Variants in MMP10 observed in about 807,000 individuals in gnomAD.
The protein encoded by MMP10 is matrix metallopeptidase 10, also known as stromelysin-2.
Under a neutral mutation model 49.1 loss-of-function variants are expected in MMP10, and 50 were observed. The ratio of observed to expected loss-of-function variants is 1.02; its 90% CI spans 0.81 to 1.29. The LOEUF is 1.29. Ranked by LOEUF, MMP10 falls within the 50% of genes most tolerant of loss-of-function variation. The pLI is 0.00. For missense variants in MMP10, 613 were observed against 563.8 expected (o/e 1.09, Z -0.88); for synonymous variants, 229 against 201.6 (o/e 1.14, Z -1.15).
At chr11:102,778,199 C>T (rs888211594) in intron 4 of MMP10, among the ~76,000 whole-genome samples, 5 of 151,978 alleles carry the variant, frequency 3.3e-5, no homozygotes, top group South Asian at 2.1e-4. Flanking sequence ...CTGGCATTTT[C>T]TCCTGATCTC....
At position 102,770,835 on chromosome 11, in the gene MMP10, C is replaced by A. The variant is rs755713885; in HGVS notation, c.1389G>T (p.Met463Ile). Residue 463 changes from methionine to isoleucine, a missense_variant, in exon 10 of 10, where the codon ATG (methionine) becomes ATT (isoleucine). Met to Ile is a conservative substitution (Grantham distance 10). Transcript: ENST00000279441. ...TGTTACTCTTTAATATGTGTGTCAC[C>A]ATCCTGGCATTGGGGTCAAACTCAA... ...SQFEFDPNAR[M>I]VTHILKSNSW... 3 of 1,612,872 alleles carry A rather than the reference C, an allele frequency of 1.9e-6. No individual in the cohort carries two copies. Among genetic ancestry groups the A allele is most frequent in the Admixed American group, 1.7e-5 (1 of 59,876 alleles).
At position 102,779,626 on chromosome 11, in the gene MMP10, T is replaced by C. The variant is rs1353090563; in HGVS notation, c.225A>G (p.Thr75=). ...GMQKFLGLEV[T]GKLDTDTLEV... ...CCAGAGTGTCAGTGTCTAGCTTCCC[T>C]GTCACCTCCAACCCAAGGAACTTCT... The change falls in exon 2 of 10, where the codon ACA becomes ACG. Residue 75 remains threonine (T), a synonymous_variant. Transcript: ENST00000279441. 3.1e-6 allele frequency: 5 copies of C among 1,613,986 alleles called. No individual in the cohort carries two copies. The East Asian group carries it at 1.1e-4, about 36-fold the overall frequency.
intron 1 of MMP10, among the ~76,000 whole-genome samples, chr11:102,780,231 A>G (rs766330854): frequency 6.6e-5 from 10 of 152,310 alleles, no homozygotes; most frequent in South Asian, 4.1e-4. Context: ...TATTCTCCAT[A>G]TGTTCTTTTC....
At chr11:102,773,043 G>C in intron 7 of MMP10, 37 bp from the exon 8 acceptor site, 1 of 1,555,018 alleles carries the variant, frequency 6.4e-7, no homozygotes, top group Admixed American at 2.1e-5. Flanking sequence ...TTTACTTGAA[G>C]CCATTGATTT....
Position 102,778,603 on chromosome 11 carries a change from C to T in MMP10, c.622+21G>A, listed in dbSNP as rs188262743. On this transcript the variant is annotated intron_variant, in intron 4 of 9. Transcript: ENST00000279441. Reference sequence around the variant, plus strand: ...GATTGGACATTATTCCTGAAATGTTCCCGAGAGGTTTACGACCCACCTGAT... The same window carrying T: ...GATTGGACATTATTCCTGAAATGTTTCCGAGAGGTTTACGACCCACCTGAT... 3,792 of 1,612,178 alleles carry T rather than the reference C, an allele frequency of 2.4e-3. 3 individuals are homozygous for T. Among genetic ancestry groups the T allele is most frequent in the Non-Finnish European group, 3.0e-3 (3,527 of 1,179,342 alleles).
intron 6 of MMP10, 49 bp from the exon 7 acceptor site, chr11:102,775,370 G>GA (rs17860981): frequency 5.6e-4 from 813 of 1,461,396 alleles, no homozygotes; most frequent in East Asian, 2.6e-3. Flanking sequence ...TTAGATATGT[G>GA]AAAAAAAAAT....
chr11:102,773,988 T>G (rs1861998663), intron 7 of MMP10, among the ~76,000 whole-genome samples: 2 of 152,190 alleles, frequency 1.3e-5, no homozygotes, highest in South Asian at 4.1e-4. Flanking sequence ...TACGTTAGAG[T>G]TATGTAATCC....
chr11:102,773,230 A>G (rs561046267), intron 7 of MMP10, among the ~76,000 whole-genome samples: 47 of 152,166 alleles, frequency 3.1e-4, no homozygotes, highest in African/African-American at 1.1e-3. Flanking sequence ...TGTCTTATAT[A>G]TTTGTATCTA....
At position 102,779,748 on chromosome 11, in the gene MMP10, A is replaced by C. The variant is rs1857800029; in HGVS notation, c.106-3T>G. 4 of 1,598,110 alleles carry C rather than the reference A, an allele frequency of 2.5e-6. No individual in the cohort carries two copies. The highest frequency in any genetic ancestry group is 1.7e-5 in the Admixed American group (1 of 58,686). ...TTGTAGTACTTTTCTAGGTATTGCT[A>C]ATGGAAAATAGAATTTTTAGGGCAT... On this transcript the variant is annotated splice_polypyrimidine_tract_variant and splice_region_variant and intron_variant, in intron 1 of 9. Coordinates refer to ENST00000279441, the MANE Select transcript of MMP10 (RefSeq NM_002425.3).
In MMP10 at chr11:102,778,638, G is replaced by C. The variant is rs150476362; in HGVS notation, c.608C>G (p.Thr203Arg). The C allele has an allele frequency of 1.9e-6, 3 of 1,613,880 alleles. No homozygotes were observed. The highest frequency in any genetic ancestry group is 2.2e-5 in the South Asian group (2 of 91,068). Residue 203 changes from threonine (T) to arginine (R), a missense_variant, in exon 4 of 10, where the codon ACA becomes AGA. By Grantham distance (71) the Thr-to-Arg change is moderately conservative. Coordinates refer to ENST00000279441, the MANE Select transcript of MMP10 (RefSeq NM_002425.3). The stretch of plus-strand genomic sequence containing the variant: ...TTACGACCCACCTGATGCATCTTCT[G>C]TCCATTTTTCATCATCATCAAAGTG... ...DIHFDDDEKW[T>R]EDASGTNLFL...
chr11:102,776,848 C>A (rs1054105855), intron 4 of MMP10, 72 bp from the exon 5 acceptor site: 1 of 1,563,022 alleles, frequency 6.4e-7, no homozygotes, highest in Non-Finnish European at 8.8e-7. Context: ...GAACATATGC[C>A]AGCTGTACAG....
intron 3 of MMP10, 55 bp from the exon 4 acceptor site, chr11:102,778,804 G>T: frequency 6.3e-7 from 1 of 1,599,444 alleles, no homozygotes; most frequent in Non-Finnish European, 8.5e-7. Flanking sequence ...TTTTTACCCT[G>T]TTCCAATTAA....
At chr11:102,779,836 TAAAAC>T (rs1419788868) in intron 1 of MMP10, 91 bp from the exon 2 acceptor site, 14 of 1,415,418 alleles carry the variant, frequency 9.9e-6, no homozygotes, top group Non-Finnish European at 1.3e-5. Flanking sequence ...TCTAGTTTCT[TAAAAC>T]AAAAGAGGCT....
At chr11:102,774,396 G>A (rs1399814010) in intron 7 of MMP10, among the ~76,000 whole-genome samples, 1 of 151,844 alleles carries the variant, frequency 6.6e-6, no homozygotes, top group Non-Finnish European at 1.5e-5. Context: ...ATATAATATA[G>A]AGAGTAAATA....
rs752399067 is a variant in MMP10, at chr11:102,780,528, C to T, written c.64G>A (p.Gly22Arg). 3.7e-6 allele frequency: 6 copies of T among 1,614,008 alleles called. No homozygotes were observed. The highest frequency in any genetic ancestry group is 5.1e-6 in the Non-Finnish European group (6 of 1,179,960). Residue 22 changes from glycine (G) to arginine (R), a missense_variant, in exon 1 of 10, where the codon GGG becomes AGG. By Grantham distance (125) the Gly-to-Arg change is moderately radical (BLOSUM62 -2). Coordinates refer to ENST00000279441, the MANE Select transcript of MMP10 (RefSeq NM_002425.3). ...LPVCSAYPLSGAAKEEDSNKD... is the reference protein window; with the variant it reads ...LPVCSAYPLSRAAKEEDSNKD... ...TTGGAGTCCTCCTCTTTTGCTGCCC[C>T]ACTCAGAGGATAGGCAGAGCAGACT...
At chr11:102,779,416 G>T in intron 2 of MMP10, 55 bp from the exon 3 acceptor site, 1 of 1,608,492 alleles carries the variant, frequency 6.2e-7, no homozygotes, top group Non-Finnish European at 8.5e-7. Flanking sequence ...ATGAAAAATT[G>T]TTAAAGAAAA....
intron 7 of MMP10, 148 bp from the exon 8 acceptor site, chr11:102,773,154 C>T (rs1283941242): frequency 5.3e-6 from 3 of 570,654 alleles, no homozygotes; most frequent in Non-Finnish European, 8.7e-6. Flanking sequence ...TAAATACTCC[C>T]TGAATGAGCG....
At chr11:102,778,842 T>C in intron 3 of MMP10, 93 bp from the exon 4 acceptor site, 1 of 1,462,854 alleles carries the variant, frequency 6.8e-7, no homozygotes, top group Non-Finnish European at 9.4e-7. Context: ...AGTCTGAATG[T>C]TGGTGTCTGC....
Position 102,776,428 on chromosome 11 carries a change from A to G in MMP10, c.788-4T>C. On this transcript the variant is annotated splice_region_variant and splice_polypyrimidine_tract_variant and intron_variant, in intron 5 of 9. Transcript: ENST00000279441. ...TCAGTAGAGGCAGGGGGAGGTCCTA[A>G]AGGAAACAGATTTGGGGATGCAAAC... The G allele has an allele frequency of 1.2e-6, 2 of 1,611,486 alleles. No homozygotes were observed. Among genetic ancestry groups the G allele is most frequent in the Non-Finnish European group, 1.7e-6 (2 of 1,179,176 alleles).
Sources: gnomAD v4.1 joint callset for allele counts (sites outside exome capture counted in the v4.1 genomes callset) on GRCh38, gnomAD v4.1.1 for gene constraint, MANE v1.5 for transcripts, NCBI Gene and HGNC (gene_info 2026-07-23, HGNC 2026-07-21) for gene names.